The following DEFB123 variants were observed in gnomAD, a reference collection of about 807,000 sequenced individuals.
DEFB123 encodes the protein beta-defensin 123.
For missense variants in DEFB123, 71 were observed against 75.0 expected, an observed-to-expected ratio of 0.95 and a Z score of 0.20; for synonymous variants, 22 against 28.3, an observed-to-expected ratio of 0.78 and a Z score of 0.71.
At chr20:31,443,184 TCCCCACTGACTCGAC>T (rs1979508105) in intron 1 of DEFB123, among the ~76,000 whole-genome samples, 1 of 151,938 alleles carries the variant, frequency 6.6e-6, no homozygotes. Context: ...CCTTTTGGGG[TCCCCACTGACTCGAC>T]CCTTCATCTC....
chr20:31,443,236 G>T (rs578059816), intron 1 of DEFB123, among the ~76,000 whole-genome samples: 2 of 152,262 alleles, frequency 1.3e-5, no homozygotes, highest in Admixed American at 6.5e-5. Context: ...TGGTCCCCAA[G>T]TTAAGGCTGT....
chr20:31,447,711 G>A (rs1292384633), intron 1 of DEFB123, among the ~76,000 whole-genome samples: 1 of 149,836 alleles, frequency 6.7e-6, no homozygotes, highest in East Asian at 1.9e-4. Flanking sequence ...CGACCTCCCA[G>A]GCTCAAGTGA....
intron 1 of DEFB123, among the ~76,000 whole-genome samples, chr20:31,443,242 G>A (rs1455415151): frequency 6.6e-6 from 1 of 152,134 alleles, no homozygotes; most frequent in Non-Finnish European, 1.5e-5. Flanking sequence ...CCAAGTTAAG[G>A]CTGTTCACAC....
rs143248665 is a variant in DEFB123, at chr20:31,449,976, G to A, written c.59-53G>A. On this transcript the variant is annotated intron_variant, in intron 1 of 1. Coordinates refer to ENST00000376309, the MANE Select transcript of DEFB123 (RefSeq NM_153324.4). Reference sequence around the variant, plus strand: ...ATTCTTTTACAGACCTTTCAAATCCGGAGCCTACTTGTTAGGACTGATACT... The same window carrying A: ...ATTCTTTTACAGACCTTTCAAATCCAGAGCCTACTTGTTAGGACTGATACT... The A allele has an allele frequency of 7.7e-5, 117 of 1,518,706 alleles. No homozygotes were observed. The East Asian group carries it at 1.5e-3, about 19-fold the overall frequency. The allele number at this position is 1,518,706 out of a possible 1,614,324, so 94.1% of individuals were successfully genotyped here.
At chr20:31,449,877 T>G in intron 1 of DEFB123, 152 bp from the exon 2 acceptor site, 1 of 941,510 alleles carries the variant, frequency 1.1e-6, no homozygotes, top group East Asian at 3.2e-5. Context: ...AAAAACAGAG[T>G]AAAGGAAAAA....
intron 1 of DEFB123, 115 bp downstream of exon 1, chr20:31,440,871 G>T: frequency 8.0e-7 from 1 of 1,256,658 alleles, no homozygotes; most frequent in Non-Finnish European, 1.1e-6. Context: ...CGTATAGGAG[G>T]CAGGAGGCGC....
intron 1 of DEFB123, among the ~76,000 whole-genome samples, chr20:31,442,653 T>A (rs1979494307): frequency 7.4e-6 from 1 of 134,890 alleles, no homozygotes; most frequent in African/African-American, 2.9e-5. Context: ...CAGGCTGGAG[T>A]GCTGGAGTGT....
intron 1 of DEFB123, 86 bp from the exon 2 acceptor site, chr20:31,449,943 C>A: frequency 6.9e-7 from 1 of 1,447,202 alleles, no homozygotes; most frequent in East Asian, 2.5e-5. Flanking sequence ...TCTATCTCAT[C>A]TGTTTCCATT....
At chr20:31,446,125 T>C (rs1979579795) in intron 1 of DEFB123, among the ~76,000 whole-genome samples, 1 of 152,134 alleles carries the variant, frequency 6.6e-6, no homozygotes. Context: ...CCAAAGGACC[T>C]GTGGGTGGTT....
chr20:31,444,543 A>G (rs186197279), intron 1 of DEFB123, among the ~76,000 whole-genome samples: 4 of 152,312 alleles, frequency 2.6e-5, no homozygotes, highest in Non-Finnish European at 5.9e-5. Flanking sequence ...TAGTTTTAAA[A>G]TGTGTAAGTT....
intron 1 of DEFB123, among the ~76,000 whole-genome samples, chr20:31,442,230 ATC>A (rs759401351): frequency 1.3e-5 from 2 of 152,176 alleles, no homozygotes; most frequent in African/African-American, 2.4e-5. Flanking sequence ...AGCTAATTCA[ATC>A]TCTTTTGAAT....
intron 1 of DEFB123, among the ~76,000 whole-genome samples, chr20:31,443,104 C>T (rs1249500189): frequency 1.3e-5 from 2 of 152,166 alleles, no homozygotes; most frequent in Admixed American, 6.5e-5. Flanking sequence ...TCACGACCCT[C>T]GTTGGATGTG....
At chr20:31,444,450 G>A (rs188826220) in intron 1 of DEFB123, among the ~76,000 whole-genome samples, 2 of 152,108 alleles carry the variant, frequency 1.3e-5, no homozygotes, top group African/African-American at 4.8e-5. Context: ...TTTATCTCCA[G>A]TGTATAGGCC....
intron 1 of DEFB123, among the ~76,000 whole-genome samples, chr20:31,447,075 C>T (rs571345541): frequency 6.6e-6 from 1 of 151,870 alleles, no homozygotes; most frequent in Non-Finnish European, 1.5e-5. Context: ...CCAGCCTGAC[C>T]AACATGGAGA....
intron 1 of DEFB123, among the ~76,000 whole-genome samples, 197 bp downstream of exon 1, chr20:31,440,953 C>T (rs1226433289): frequency 6.6e-6 from 1 of 152,210 alleles, no homozygotes; most frequent in East Asian, 1.9e-4. Context: ...GCGGCTCCAT[C>T]CCTCCTCTTC....
At chr20:31,446,955 A>C (rs182840835) in intron 1 of DEFB123, among the ~76,000 whole-genome samples, 20 of 150,962 alleles carry the variant, frequency 1.3e-4, no homozygotes, top group African/African-American at 2.7e-4. Flanking sequence ...TCAAAAAAAA[A>C]AAAAACAAAA....
intron 1 of DEFB123, among the ~76,000 whole-genome samples, 171 bp downstream of exon 1, chr20:31,440,927 C>A (rs989132951): frequency 6.6e-6 from 1 of 152,200 alleles, no homozygotes; most frequent in African/African-American, 2.4e-5. Context: ...CTACAACATC[C>A]AGAGCTGCTC....
At chr20:31,448,764 T>G (rs1343030100) in intron 1 of DEFB123, among the ~76,000 whole-genome samples, 1 of 152,080 alleles carries the variant, frequency 6.6e-6, no homozygotes, top group East Asian at 1.9e-4. Flanking sequence ...TAGGCTGAAG[T>G]GCGATGGCAC....
chr20:31,440,744 C>T lies in DEFB123; in HGVS notation c.46C>T (p.Gln16Ter). 2 of 1,613,598 alleles carry T rather than the reference C, an allele frequency of 1.2e-6. No individual in the cohort carries two copies. The highest frequency in any genetic ancestry group is 1.7e-6 in the Non-Finnish European group (2 of 1,180,034). Residue 16 changes from glutamine (Q) to a stop codon, truncating the protein, a stop_gained, in exon 1 of 2, where the codon CAG becomes TAG. Coordinates refer to ENST00000376309, the MANE Select transcript of DEFB123 (RefSeq NM_153324.4). LOFTEE classifies it low-confidence loss of function (END_TRUNC). ...LTLTVLLLLS[Q>*]LTPGGTQRCW... is the part of the protein sequence containing the mutation. ...TTTGACTGTGCTGCTGCTCTTATCC[C>T]AGCTGACTCCAGGTAACCTGAACCT... is the stretch of plus-strand genomic sequence containing the variant.
Sources: allele counts gnomAD v4.1 joint callset (sites outside exome capture counted in the v4.1 genomes callset), GRCh38; gene constraint gnomAD v4.1.1; transcripts MANE v1.5; gene names NCBI Gene and HGNC (gene_info 2026-07-23, HGNC 2026-07-21).